Variants in LRRC25 observed in about 807,000 individuals in gnomAD.
LRRC25 encodes the protein leucine rich repeat containing 25.
LRRC25 carries 5 observed loss-of-function variants against 18.8 expected under a neutral mutation model. The observed-to-expected ratio is 0.27, with a 90% confidence interval of 0.14 to 0.56. The LOEUF is 0.56. Among genes scored for constraint, LRRC25 ranks in the 20% least tolerant of loss-of-function variants. The probability of loss-of-function intolerance (pLI) is 0.93; values close to 1 mark genes in which losing one functional copy is unlikely to be tolerated. For synonymous variants in LRRC25, 161 were observed against 176.8 expected (o/e 0.91, Z 0.71); for missense variants, 341 against 389.8 (o/e 0.87, Z 1.05).
chr19:18,391,840 C>T lies in LRRC25; in HGVS notation c.*147G>A, dbSNP rs568435875. The T allele has an allele frequency of 2.7e-5, 25 of 928,108 alleles. No individual in the cohort carries two copies. Among genetic ancestry groups the T allele is most frequent in the African/African-American group, 2.0e-4 (12 of 60,014 alleles). 57.5% of individuals were successfully genotyped at this position (928,108 alleles called of 1,614,324 possible). A position where few individuals can be genotyped will look rare whatever the true frequency, so the allele number is the denominator to read the frequency against. ...AGCGGCATGAGGGACAGGGAGGGGG[C>T]GGCAGAGCTTCCTGGGGCCTCAAGG... On this transcript the variant is annotated 3_prime_UTR_variant, in exon 2 of 2. Transcript: ENST00000339007.
intron 1 of LRRC25, among the ~76,000 whole-genome samples, chr19:18,392,513 G>C (rs1971915063): frequency 6.6e-6 from 1 of 151,684 alleles, no homozygotes; most frequent in Non-Finnish European, 1.5e-5. Flanking sequence ...AAAAAAGAAA[G>C]CTTCAGAGTG....
chr19:18,393,610 GA>G (rs71166509), intron 1 of LRRC25, among the ~76,000 whole-genome samples: 173 of 146,338 alleles, frequency 1.2e-3, no homozygotes, highest in African/African-American at 3.2e-3. Context: ...GACAGAGCGG[GA>G]AAAAAAAAAA....
chr19:18,395,244 G>A (rs1446059081), intron 1 of LRRC25, among the ~76,000 whole-genome samples: 7 of 151,994 alleles, frequency 4.6e-5, no homozygotes, highest in South Asian at 2.1e-4. Context: ...GGTGGCGGGC[G>A]CCTGTAGTCC....
Position 18,396,628 on chromosome 19 carries a change from C to A in LRRC25, c.336G>T (p.Leu112=), listed in dbSNP as rs748187223. The A allele has an allele frequency of 5.0e-6, 8 of 1,613,942 alleles. No homozygotes were observed. In the East Asian group the frequency reaches 1.8e-4, roughly 36 times the overall value. Residue 112 remains leucine (L), a synonymous_variant, in exon 1 of 2, where the codon CTG becomes CTT. Transcript: ENST00000339007. ...CCAGGGCACAGTTGCAGTCGGCCTG[C>A]AGGTCAAGGTCACAGCGGGCGGCCA... ...GALAARCDLD[L]QADCNCALES...
At position 18,396,451 on chromosome 19, in the gene LRRC25, G is replaced by A; in HGVS notation, c.513C>T (p.Val171=). 6.2e-7 allele frequency: 1 copy of A among 1,613,508 alleles called. No individual in the cohort carries two copies. Among genetic ancestry groups the A allele is most frequent in the Non-Finnish European group, 8.5e-7 (1 of 1,180,050 alleles). Residue 171 remains valine, a synonymous_variant, in exon 1 of 2, where the codon GTC becomes GTT. Transcript: ENST00000339007. ...LASATIGAVV[V]SGCLLLGLAI... ...CAAGTCCAAGAAGCAGGCACCCGCT[G>A]ACCACCACTGCCCCGATAGTTGCAG...
rs1256124979 is a variant in LRRC25, at chr19:18,392,069, G to T, written c.836C>A (p.Ala279Asp). ...FYINYKDIDL[A>D]SQPVYCNLQS... ...CAGGTTACAGTAGACAGGCTGGGAA[G>T]CCAGGTCGATGTCCTTGTAGTTGAT... The change falls in exon 2 of 2, where the codon GCT becomes GAT. Residue 279 changes from alanine (A) to aspartate (D), a missense_variant. Physicochemically the swap from Ala to Asp is moderately radical, Grantham distance 126 (BLOSUM62 -2). Transcript: ENST00000339007. 6.2e-7 allele frequency: 1 copy of T among 1,614,094 alleles called. No individual in the cohort carries two copies. Among genetic ancestry groups the T allele is most frequent in the Non-Finnish European group, 8.5e-7 (1 of 1,180,040 alleles).
intron 1 of LRRC25, among the ~76,000 whole-genome samples, chr19:18,395,752 ACT>A (rs1478921952): frequency 2.6e-5 from 4 of 151,798 alleles, no homozygotes; most frequent in Non-Finnish European, 4.4e-5. Context: ...ATGGAGTCTC[ACT>A]CTGTCACCCA....
chr19:18,392,159 G>A lies in LRRC25; in HGVS notation c.780-34C>T, dbSNP rs200983449. 9.0e-5 allele frequency: 144 copies of A among 1,606,800 alleles called. No individual in the cohort carries two copies. In the African/African-American group the frequency reaches 1.5e-3, roughly 16 times the overall value. Reference sequence around the variant, plus strand: ...ACAGACAGACCAGGGGTAAGTGTGGGAGGGGGAGGACTCAGGGGACAGGCA... The same window carrying A: ...ACAGACAGACCAGGGGTAAGTGTGGAAGGGGGAGGACTCAGGGGACAGGCA... On this transcript the variant is annotated intron_variant, in intron 1 of 1. Coordinates refer to ENST00000339007, the MANE Select transcript of LRRC25 (RefSeq NM_145256.3).
chr19:18,395,034 G>A (rs1971949835), intron 1 of LRRC25, among the ~76,000 whole-genome samples: 1 of 151,832 alleles, frequency 6.6e-6, no homozygotes, highest in Admixed American at 6.6e-5. Context: ...ATCTGTGATG[G>A]TGCCACTGCA....
At chr19:18,392,888 G>A (rs1971919787) in intron 1 of LRRC25, among the ~76,000 whole-genome samples, 1 of 151,966 alleles carries the variant, frequency 6.6e-6, no homozygotes, top group Non-Finnish European at 1.5e-5. Flanking sequence ...TCCTCGGGAG[G>A]CTGAGGTGGG....
chr19:18,393,579 C>A (rs1055053290), intron 1 of LRRC25, among the ~76,000 whole-genome samples: 4 of 151,960 alleles, frequency 2.6e-5, no homozygotes, highest in Admixed American at 6.6e-5. Context: ...CGAGATCATG[C>A]CATTGCACTC....
intron 1 of LRRC25, among the ~76,000 whole-genome samples, chr19:18,393,805 A>C (rs1971931069): frequency 6.6e-6 from 1 of 152,110 alleles, no homozygotes; most frequent in Non-Finnish European, 1.5e-5. Flanking sequence ...CAGAGCCTCC[A>C]TGTCTGTAAC....
intron 1 of LRRC25, among the ~76,000 whole-genome samples, chr19:18,394,356 G>A (rs1267347946): frequency 4.0e-5 from 6 of 149,304 alleles, no homozygotes; most frequent in Admixed American, 2.0e-4. Context: ...CCCAGGCTGG[G>A]GTGCAGTGGT....
intron 1 of LRRC25, among the ~76,000 whole-genome samples, chr19:18,393,254 G>A (rs1428611708): frequency 6.6e-6 from 1 of 152,188 alleles, no homozygotes; most frequent in Non-Finnish European, 1.5e-5. Flanking sequence ...AGGAATATTT[G>A]TTATGGTCAG....
intron 1 of LRRC25, among the ~76,000 whole-genome samples, chr19:18,395,630 G>T (rs964150267): frequency 6.6e-6 from 1 of 152,122 alleles, no homozygotes; most frequent in Admixed American, 6.6e-5. Context: ...GGTCATAAGG[G>T]GGGGAAGTTT....
In LRRC25 at chr19:18,397,255, T is replaced by G; in HGVS notation, c.-292A>C. 4 of 437,730 alleles carry G rather than the reference T, an allele frequency of 9.1e-6. No individual in the cohort carries two copies. The highest frequency in any genetic ancestry group is 3.8e-5 in the East Asian group (1 of 26,550). The allele number at this position is 437,730 out of a possible 1,614,324, so 27.1% of individuals were successfully genotyped here. A position where few individuals can be genotyped will look rare whatever the true frequency, so the allele number is the denominator to read the frequency against. Reference sequence around the variant, plus strand: ...TCCTGAACATTTGGGGCGCCCTCGTTGGCCAGGACGGGACCCTATGCAAAT... The same window carrying G: ...TCCTGAACATTTGGGGCGCCCTCGTGGGCCAGGACGGGACCCTATGCAAAT... On this transcript the variant is annotated 5_prime_UTR_variant, in exon 1 of 2. Transcript: ENST00000339007.
In LRRC25 at chr19:18,391,856, G is replaced by T. The variant is rs1266539435; in HGVS notation, c.*131C>A. On this transcript the variant is annotated 3_prime_UTR_variant, in exon 2 of 2. Coordinates refer to ENST00000339007, the MANE Select transcript of LRRC25 (RefSeq NM_145256.3). Reference sequence around the variant, plus strand: ...GGGAGGGGGCGGCAGAGCTTCCTGGGGCCTCAAGGACAATCCTTTCCTGTA... The same window carrying T: ...GGGAGGGGGCGGCAGAGCTTCCTGGTGCCTCAAGGACAATCCTTTCCTGTA... The T allele has an allele frequency of 2.6e-6, 3 of 1,134,876 alleles. No individual in the cohort carries two copies. Among genetic ancestry groups the T allele is most frequent in the Non-Finnish European group, 3.7e-6 (3 of 807,220 alleles). 70.3% of individuals were successfully genotyped at this position (1,134,876 alleles called of 1,614,324 possible). A position where few individuals can be genotyped will look rare whatever the true frequency, so the allele number is the denominator to read the frequency against.
chr19:18,394,131 C>G (rs1971936578), intron 1 of LRRC25, among the ~76,000 whole-genome samples: 1 of 152,078 alleles, frequency 6.6e-6, no homozygotes, highest in African/African-American at 2.4e-5. Flanking sequence ...TTGGCCCTCC[C>G]TGTTCCCCTC....
chr19:18,393,025 A>C (rs1209133762), intron 1 of LRRC25, among the ~76,000 whole-genome samples: 1 of 152,136 alleles, frequency 6.6e-6, no homozygotes, highest in Non-Finnish European at 1.5e-5. Flanking sequence ...GTTCATTATT[A>C]CATTAAAATC....
Sources: gnomAD v4.1 joint callset for allele counts (sites outside exome capture counted in the v4.1 genomes callset) on GRCh38, gnomAD v4.1.1 for gene constraint, MANE v1.5 for transcripts, NCBI Gene and HGNC (gene_info 2026-07-23, HGNC 2026-07-21) for gene names.